ENPP4: variants seen among roughly 807,000 people sequenced by gnomAD.
ENPP4 encodes the protein ectonucleotide pyrophosphatase/phosphodiesterase 4, also known as bis(5'-adenosyl)-triphosphatase ENPP4.
Under a neutral mutation model 33.4 loss-of-function variants are expected in ENPP4, and 18 were observed. That is an observed-to-expected ratio of 0.54 (90% CI 0.37 to 0.80). The LOEUF (loss-of-function observed/expected upper bound fraction) is 0.80. Among genes scored for constraint, ENPP4 ranks in the 30% least tolerant of loss-of-function variants. The probability of loss-of-function intolerance (pLI) is 0.00; values close to 1 mark genes in which losing one functional copy is unlikely to be tolerated. For synonymous variants in ENPP4, 172 were observed against 189.9 expected, an observed-to-expected ratio of 0.91 and a Z score of 0.78; for missense variants, 480 against 541.7, an observed-to-expected ratio of 0.89 and a Z score of 1.13.
At chr6:46,134,845 C>T (rs778136069) in intron 1 of ENPP4, among the ~76,000 whole-genome samples, 2 of 151,880 alleles carry the variant, frequency 1.3e-5, no homozygotes, top group Non-Finnish European at 2.9e-5. Context: ...GCATTTATTA[C>T]CCATTTCCCC....
rs988361049 is a variant in ENPP4, at chr6:46,145,130, T to C, written c.*1490T>C. On this transcript the variant is annotated 3_prime_UTR_variant, in exon 4 of 4. Coordinates refer to ENST00000321037, the MANE Select transcript of ENPP4 (RefSeq NM_014936.5). ...AATATAAAATAAACTTGGTAACTGTTTTACAAATATAAAAGTATAATAAAT... is the reference window on the plus strand; with the variant it reads ...AATATAAAATAAACTTGGTAACTGTCTTACAAATATAAAAGTATAATAAAT... The C allele has an allele frequency of 5.2e-6, 2 of 384,986 alleles. No homozygotes were observed. The highest frequency in any genetic ancestry group is 9.2e-6 in the Non-Finnish European group (2 of 217,258). The allele number at this position is 384,986 out of a possible 1,614,324, so 23.8% of individuals were successfully genotyped here.
intron 3 of ENPP4, among the ~76,000 whole-genome samples, chr6:46,141,613 C>A (rs1764063185): frequency 1.3e-5 from 2 of 151,560 alleles, no homozygotes; most frequent in Non-Finnish European, 3.0e-5. Flanking sequence ...TCCCCAGTAA[C>A]AAAATCATTT....
At chr6:46,130,923 G>A (rs1413682580) in intron 1 of ENPP4, among the ~76,000 whole-genome samples, 4 of 152,172 alleles carry the variant, frequency 2.6e-5, no homozygotes, top group African/African-American at 9.7e-5. Flanking sequence ...GCAATCTTGT[G>A]GACCCAAGTC....
chr6:46,138,559 A>C (rs1245296755), intron 1 of ENPP4, among the ~76,000 whole-genome samples: 1 of 151,770 alleles, frequency 6.6e-6, no homozygotes, highest in East Asian at 1.9e-4. Flanking sequence ...CCTGTCAATA[A>C]TTGACCCTAC....
In ENPP4 at chr6:46,143,418, A is replaced by G. The variant is rs997093643; in HGVS notation, c.1140A>G (p.Leu380=). ...CAATGATGTGCCACATCCTGGGATT[A>G]AAACCACATCCCAATAATGGGACCT... is the stretch of plus-strand genomic sequence containing the variant. ...IYPMMCHILG[L]KPHPNNGTFG... The change falls in exon 4 of 4, where the codon TTA becomes TTG. Residue 380 remains leucine, a synonymous_variant. Coordinates refer to ENST00000321037, the MANE Select transcript of ENPP4 (RefSeq NM_014936.5). The G allele has an allele frequency of 3.7e-6, 6 of 1,612,682 alleles. No homozygotes were observed. The highest frequency in any genetic ancestry group is 1.7e-5 in the Admixed American group (1 of 59,838).
At chr6:46,142,346 TATGTAATATATATAATATATATA>T (rs1306964057) in intron 3 of ENPP4, among the ~76,000 whole-genome samples, 1 of 115,210 alleles carries the variant, frequency 8.7e-6, no homozygotes, top group Non-Finnish European at 1.8e-5. Flanking sequence ...AATATAATTA[TATGTAATATATATAATATATATA>T]ATGTATATTA....
At chr6:46,130,325 G>T (rs1220444624) in intron 1 of ENPP4, 136 bp downstream of exon 1, 1 of 153,688 alleles carries the variant, frequency 6.5e-6, no homozygotes, top group Non-Finnish European at 1.4e-5. Flanking sequence ...CACATCCCCT[G>T]GGGCGCGGCG....
At chr6:46,130,319 TC>T in intron 1 of ENPP4, 130 bp downstream of exon 1, 1 of 152,844 alleles carries the variant, frequency 6.5e-6, no homozygotes, top group Non-Finnish European at 1.5e-5. Context: ...TACACGCACA[TC>T]CCCTGGGGCG....
At position 46,140,377 on chromosome 6, in the gene ENPP4, T is replaced by A; in HGVS notation, c.794T>A (p.Leu265Ter). Residue 265 changes from leucine to a stop codon, truncating the protein, a stop_gained, in exon 2 of 4, where the codon TTG (leucine) becomes TAG (stop). Coordinates refer to ENST00000321037, the MANE Select transcript of ENPP4 (RefSeq NM_014936.5). LOFTEE classifies it high-confidence loss of function. The stretch of plus-strand genomic sequence containing the variant: ...CATTCATACTACACTCTTATAGATT[T>A]GAGCCCAGTTGCTGCAATACTTCCC... ...IDHSYYTLID[L>*]SPVAAILPKI... is the part of the protein sequence containing the mutation. 1.3e-6 allele frequency: 2 copies of A among 1,589,080 alleles called. No individual in the cohort carries two copies. The highest frequency in any genetic ancestry group is 1.7e-6 in the Non-Finnish European group (2 of 1,171,014).
Position 46,143,462 on chromosome 6 carries a change from T to C in ENPP4, c.1184T>C (p.Leu395Ser), listed in dbSNP as rs1468021758. The change falls in exon 4 of 4, where the codon TTG (leucine) becomes TCG (serine). Residue 395 changes from leucine (L) to serine (S), a missense_variant. By Grantham distance (145) the Leu-to-Ser change is moderately radical (BLOSUM62 -2). Transcript: ENST00000321037. The part of the protein sequence containing the change: ...NNGTFGHTKC[L>S]LVDQWCINLP... ...GGGACCTTTGGTCATACTAAGTGCTTGTTAGTTGACCAGTGGTGCATTAAT... is the reference window on the plus strand; with the variant it reads ...GGGACCTTTGGTCATACTAAGTGCTCGTTAGTTGACCAGTGGTGCATTAAT... 1 of 1,612,586 alleles carries C rather than the reference T, an allele frequency of 6.2e-7. No homozygotes were observed. Among genetic ancestry groups the C allele is most frequent in the Non-Finnish European group, 8.5e-7 (1 of 1,178,910 alleles).
rs764580439 is a variant in ENPP4, at chr6:46,139,649, T to C, written c.66T>C (p.Ser22=). 2.5e-6 allele frequency: 4 copies of C among 1,611,078 alleles called. No individual in the cohort carries two copies. The highest frequency in any genetic ancestry group is 2.7e-5 in the African/African-American group (2 of 74,886). Residue 22 remains serine, a synonymous_variant, in exon 2 of 4, where the codon TCT becomes TCC. Transcript: ENST00000321037. The part of the protein sequence containing the change: ...LITGFRSDSS[S]SLPPKLLLVS... ...CTGGTTTTAGAAGTGACTCTTCCTC[T>C]AGTTTGCCACCTAAGTTACTACTAG...
At chr6:46,132,932 C>A (rs1398388179) in intron 1 of ENPP4, among the ~76,000 whole-genome samples, 2 of 151,866 alleles carry the variant, frequency 1.3e-5, no homozygotes, top group South Asian at 4.2e-4. Flanking sequence ...AATGGGAGTT[C>A]ACTCATGATT....
At chr6:46,139,082 C>A (rs1764017255) in intron 1 of ENPP4, among the ~76,000 whole-genome samples, 1 of 151,650 alleles carries the variant, frequency 6.6e-6, no homozygotes. Context: ...TGGCAATAAA[C>A]CAATATGGTA....
In ENPP4 at chr6:46,140,335, T is replaced by C; in HGVS notation, c.752T>C (p.Leu251Pro). The C allele has an allele frequency of 6.2e-7, 1 of 1,611,500 alleles. No individual in the cohort carries two copies. ...TQCSQDRLIN[L>P]DSCIDHSYYT... ...TGTTCTCAGGACAGACTGATAAACCTGGATTCCTGCATCGATCATTCATAC... is the reference window on the plus strand; with the variant it reads ...TGTTCTCAGGACAGACTGATAAACCCGGATTCCTGCATCGATCATTCATAC... Residue 251 changes from leucine to proline, a missense_variant, in exon 2 of 4, where the codon CTG (leucine) becomes CCG (proline). This residue lies in a region of ENPP4 where 249 missense variants were observed against 251.8 expected (regional missense o/e 0.99). Transcript: ENST00000321037.
In ENPP4 at chr6:46,139,592, AT is replaced by A; in HGVS notation, c.11del (p.Leu4Ter). The A allele has an allele frequency of 1.9e-6, 3 of 1,538,818 alleles. No individual in the cohort carries two copies. The highest frequency in any genetic ancestry group is 1.8e-6 in the Non-Finnish European group (2 of 1,113,502). MKL[L>X]VILLFSGLIT... Reference sequence around the variant, plus strand: ...CCTTCAACGTGTTCATTATGAAGTTATTAGTAATACTTTTGTTTTCTGGACT... The same window carrying A: ...CCTTCAACGTGTTCATTATGAAGTTATAGTAATACTTTTGTTTTCTGGACT... On this transcript the variant is annotated frameshift_variant, in exon 2 of 4. Transcript: ENST00000321037. LOFTEE classifies it high-confidence loss of function.
intron 1 of ENPP4, among the ~76,000 whole-genome samples, chr6:46,134,756 T>C (rs147189079): frequency 3.3e-5 from 5 of 152,200 alleles, no homozygotes; most frequent in Middle Eastern, 3.4e-3. Flanking sequence ...AGAGTACTGC[T>C]TTATGGAGCT....
intron 1 of ENPP4, among the ~76,000 whole-genome samples, chr6:46,138,822 C>T (rs1482136339): frequency 6.6e-6 from 1 of 151,798 alleles, no homozygotes; most frequent in African/African-American, 2.4e-5. Context: ...AGCTTTAAGC[C>T]TAGGGTATTA....
intron 1 of ENPP4, among the ~76,000 whole-genome samples, chr6:46,137,408 C>T (rs540887138): frequency 1.3e-5 from 2 of 151,940 alleles, no homozygotes; most frequent in African/African-American, 2.4e-5. Context: ...CTACTCAATC[C>T]AAGCTTTCAT....
chr6:46,130,908 A>G (rs918947055), intron 1 of ENPP4, among the ~76,000 whole-genome samples: 1 of 152,230 alleles, frequency 6.6e-6, no homozygotes, highest in Non-Finnish European at 1.5e-5. Flanking sequence ...GCTTTGCTTA[A>G]TCAGGCAATC....
Sources: allele counts gnomAD v4.1 joint callset (sites outside exome capture counted in the v4.1 genomes callset), GRCh38; gene constraint gnomAD v4.1.1; regional missense constraint gnomAD v4.1.1; transcripts MANE v1.5; gene names NCBI Gene and HGNC (gene_info 2026-07-23, HGNC 2026-07-21).